The following GPC6 variants were observed in gnomAD, a reference collection of about 807,000 sequenced individuals.
GPC6 encodes glypican-6.
A neutral mutation model predicts 55.2 loss-of-function variants in GPC6; 14 were observed. The ratio of observed to expected loss-of-function variants is 0.25; its 90% CI spans 0.17 to 0.40. The LOEUF (loss-of-function observed/expected upper bound fraction) is 0.40. Ranked by LOEUF, GPC6 falls within the 10% of genes least tolerant of loss-of-function variation. The pLI is 1.00. For synonymous variants in GPC6, 278 were observed against 259.6 expected (o/e 1.07, Z -0.68); for missense variants, 641 against 708.5 (o/e 0.90, Z 1.08).
At chr13:94,013,307 A>T (rs553581492) in intron 3 of GPC6, among the ~76,000 whole-genome samples, 8 of 152,168 alleles carry the variant, frequency 5.3e-5, no homozygotes, top group African/African-American at 1.9e-4. Context: ...ACATACATTT[A>T]CTAACTCCTA....
At chr13:93,253,189 G>T (rs2139031028) in intron 1 of GPC6, among the ~76,000 whole-genome samples, 1 of 152,300 alleles carries the variant, frequency 6.6e-6, no homozygotes, top group South Asian at 2.1e-4. Flanking sequence ...AAATGGCAGT[G>T]ACATTTCCTG....
At chr13:93,511,135 C>T (rs1880954285) in intron 1 of GPC6, among the ~76,000 whole-genome samples, 1 of 148,866 alleles carries the variant, frequency 6.7e-6, no homozygotes, top group Non-Finnish European at 1.5e-5. Context: ...TTCCCCCATT[C>T]AACAGGTTGT....
intron 1 of GPC6, among the ~76,000 whole-genome samples, chr13:93,355,141 G>A (rs951132344): frequency 1.1e-4 from 17 of 152,046 alleles, no homozygotes; most frequent in African/African-American, 3.1e-4. Context: ...AAATATTAAC[G>A]TTCCTCTCCT....
rs541399165 is a variant in GPC6, at chr13:93,664,148, CTATA to C, written c.319+118730_319+118733del. Among the ~76,000 whole-genome samples, 74 of 152,152 alleles carry C rather than the reference CTATA, an allele frequency of 4.9e-4. 1 individual carries two copies. The highest frequency in any genetic ancestry group is 1.8e-3 in the African/African-American group (74 of 41,508). On this transcript the variant is annotated intron_variant, in intron 2 of 8. Transcript: ENST00000377047. ...ACAATAAAAAATGATAAGGATATAA[CTATA>C]TAATTTATTCTAAATTAAATTTATT...
Position 93,379,918 on chromosome 13 carries a change from G to A in GPC6, c.160+152302G>A, listed in dbSNP as rs376957949. ...AATTAGAAGCAGCCAATAAATGTTG[G>A]TTTTGGTTATAGAATAGTTGAACAG... is the stretch of plus-strand genomic sequence containing the variant. On this transcript the variant is annotated intron_variant, in intron 1 of 8. Transcript: ENST00000377047. Among the ~76,000 whole-genome samples, 8 of 147,870 alleles carry A rather than the reference G, an allele frequency of 5.4e-5. No homozygotes were observed. In the East Asian group the frequency reaches 1.0e-3, roughly 18 times the overall value.
intron 2 of GPC6, among the ~76,000 whole-genome samples, chr13:93,647,384 A>T (rs1020009539): frequency 2.0e-5 from 3 of 152,136 alleles, no homozygotes; most frequent in Admixed American, 6.6e-5. Context: ...GTTATTGCTT[A>T]TAAGGGAGAA....
chr13:94,260,614 T>C (rs1443789365), intron 4 of GPC6, among the ~76,000 whole-genome samples: 1 of 152,212 alleles, frequency 6.6e-6, no homozygotes, highest in African/African-American at 2.4e-5. Context: ...TTGAAGACTC[T>C]ATCTCCTAAT....
At chr13:93,246,491 A>T (rs925365027) in intron 1 of GPC6, among the ~76,000 whole-genome samples, 1 of 152,092 alleles carries the variant, frequency 6.6e-6, no homozygotes, top group Non-Finnish European at 1.5e-5. Context: ...GTTCTAAAAA[A>T]TAATAATAAT....
chr13:94,326,165 A>G (rs183617206), intron 6 of GPC6, among the ~76,000 whole-genome samples: 50 of 151,708 alleles, frequency 3.3e-4, no homozygotes, highest in African/African-American at 1.2e-3. Flanking sequence ...ATTTATTTAT[A>G]TTTTCTTCCA....
intron 3 of GPC6, among the ~76,000 whole-genome samples, chr13:93,852,311 A>G (rs1888434479): frequency 2.0e-5 from 3 of 151,748 alleles, no homozygotes; most frequent in Admixed American, 6.6e-5. Context: ...TGTAAACTGC[A>G]TATAAGATAC....
At chr13:94,261,803 G>C (rs1891665754) in intron 4 of GPC6, among the ~76,000 whole-genome samples, 1 of 152,172 alleles carries the variant, frequency 6.6e-6, no homozygotes, top group Non-Finnish European at 1.5e-5. Flanking sequence ...ATCAGTTGTT[G>C]GTACTTTAGT....
intron 3 of GPC6, among the ~76,000 whole-genome samples, chr13:93,969,353 T>C (rs758005873): frequency 6.6e-6 from 1 of 152,204 alleles, no homozygotes; most frequent in Non-Finnish European, 1.5e-5. Flanking sequence ...TCACTATCCC[T>C]GGAAGTAGAG....
intron 2 of GPC6, among the ~76,000 whole-genome samples, chr13:93,596,606 AATAAATATATATAT>A (rs1290476845): frequency 5.5e-5 from 3 of 54,838 alleles, no homozygotes; most frequent in African/African-American, 3.2e-4. Flanking sequence ...TAAATAAATA[AATAAATATATATAT>A]ATATATATAT....
rs928505128 is a variant in GPC6 at position 94,294,462 on chromosome 13, A to C, written c.1008+7983A>C. Among the ~76,000 whole-genome samples, 11 of 150,748 alleles carry C rather than the reference A, an allele frequency of 7.3e-5. No individual in the cohort carries two copies. The East Asian group carries it at 1.6e-3, about 21-fold the overall frequency. On this transcript the variant is annotated intron_variant, in intron 5 of 8. Coordinates refer to ENST00000377047, the MANE Select transcript of GPC6 (RefSeq NM_005708.5). Reference sequence around the variant, plus strand: ...TAAAAAAAAAAAAAAAAAAACCCTAAGAGAACAGAACAGAGAATGTAATAA... The same window carrying C: ...TAAAAAAAAAAAAAAAAAAACCCTACGAGAACAGAACAGAGAATGTAATAA...
In GPC6 at chr13:94,248,811, G is replaced by A. The variant is rs531292563; in HGVS notation, c.878-37538G>A. ...GACATAGGGATATTGAAGTACTATTGAATCCACTTTCCTCAGCTACCACCT... is the reference window on the plus strand; with the variant it reads ...GACATAGGGATATTGAAGTACTATTAAATCCACTTTCCTCAGCTACCACCT... On this transcript the variant is annotated intron_variant, in intron 4 of 8. Transcript: ENST00000377047. Among the ~76,000 whole-genome samples, 10 of 152,154 alleles carry A rather than the reference G, an allele frequency of 6.6e-5. No homozygotes were observed. In the South Asian group the frequency reaches 2.1e-3, roughly 32 times the overall value.
chr13:93,865,793 G>C (rs1888947701), intron 3 of GPC6, among the ~76,000 whole-genome samples: 1 of 151,606 alleles, frequency 6.6e-6, no homozygotes, highest in Non-Finnish European at 1.5e-5. Flanking sequence ...AGAAATTTAA[G>C]GCAAAAGAAG....
chr13:93,900,815 A>T (rs750335818), intron 3 of GPC6, among the ~76,000 whole-genome samples: 1 of 152,168 alleles, frequency 6.6e-6, no homozygotes, highest in South Asian at 2.1e-4. Flanking sequence ...TAAATAAAAA[A>T]TTTTAAAAAT....
chr13:93,231,505 T>C (rs904264672), intron 1 of GPC6, among the ~76,000 whole-genome samples: 4 of 149,560 alleles, frequency 2.7e-5, no homozygotes, highest in Admixed American at 2.7e-4. Flanking sequence ...GCTAAATACG[T>C]TTCTATTTTG....
intron 3 of GPC6, among the ~76,000 whole-genome samples, chr13:93,960,831 G>A (rs966043844): frequency 2.0e-5 from 1 of 49,134 alleles, no homozygotes; most frequent in Non-Finnish European, 4.2e-5. Context: ...TTTTTTTTTT[G>A]AGACAGAGTC....
Sources: gnomAD v4.1 joint callset for allele counts (sites outside exome capture counted in the v4.1 genomes callset) on GRCh38, gnomAD v4.1.1 for gene constraint, MANE v1.5 for transcripts, NCBI Gene and HGNC (gene_info 2026-07-23, HGNC 2026-07-21) for gene names.